The following MACROD2 variants were observed in gnomAD, a reference collection of about 807,000 sequenced individuals.
The protein encoded by MACROD2 is mono-ADP ribosylhydrolase 2.
MACROD2 carries 36 observed loss-of-function variants against 70.4 expected under a neutral mutation model. The ratio of observed to expected loss-of-function variants is 0.51; its 90% CI spans 0.39 to 0.68. The LOEUF (loss-of-function observed/expected upper bound fraction) is 0.68, where lower values mean the gene tolerates loss of function less well. MACROD2 is among the 30% of genes least tolerant of loss of function. The pLI is 0.00. For synonymous variants in MACROD2, 172 were observed against 178.8 expected, an observed-to-expected ratio of 0.96 and a Z score of 0.30; for missense variants, 496 against 538.4, an observed-to-expected ratio of 0.92 and a Z score of 0.78.
At chr20:14,137,826 C>A (rs2148703821) in intron 3 of MACROD2, among the ~76,000 whole-genome samples, 2 of 152,130 alleles carry the variant, frequency 1.3e-5, no homozygotes. Context: ...AAGGAAATAG[C>A]AAAGTGAAAA....
At chr20:14,820,357 C>CTTTTTTT (rs11475238) in intron 5 of MACROD2, among the ~76,000 whole-genome samples, 9 of 116,124 alleles carry the variant, frequency 7.8e-5, no homozygotes, top group Admixed American at 1.8e-4. Context: ...ATTTTTCTTC[C>CTTTTTTT]TTTTTTTTTT....
intron 2 of MACROD2, among the ~76,000 whole-genome samples, chr20:14,079,290 A>G (rs1457811758): frequency 6.6e-6 from 1 of 152,244 alleles, no homozygotes; most frequent in Non-Finnish European, 1.5e-5. Context: ...CTTGTAGACC[A>G]TACCATTGGA....
At chr20:15,228,869 A>G (rs1355818721) in intron 5 of MACROD2, among the ~76,000 whole-genome samples, 4 of 152,226 alleles carry the variant, frequency 2.6e-5, no homozygotes, top group Admixed American at 2.0e-4. Context: ...TTATTTTTGT[A>G]TACTCTTATT....
At chr20:15,801,185 TTA>T (rs1491125296) in intron 8 of MACROD2, among the ~76,000 whole-genome samples, 1 of 89,640 alleles carries the variant, frequency 1.1e-5, no homozygotes, top group Non-Finnish European at 2.4e-5. Flanking sequence ...GAATGATCAA[TTA>T]AAAAAAAAAA....
intron 9 of MACROD2, among the ~76,000 whole-genome samples, chr20:15,871,310 T>A (rs753214618): frequency 1.9e-4 from 29 of 152,180 alleles, no homozygotes; most frequent in Non-Finnish European, 4.0e-4. Flanking sequence ...ATTTCACTTT[T>A]AAAAATCTTA....
intron 5 of MACROD2, among the ~76,000 whole-genome samples, chr20:15,126,313 G>A (rs867642201): frequency 5.3e-5 from 8 of 151,742 alleles, no homozygotes; most frequent in Admixed American, 2.0e-4. Context: ...CAGCAGCGAC[G>A]TATGCAAGTT....
In MACROD2 at chr20:15,133,946, C is replaced by T. The variant is rs550475572; in HGVS notation, c.419-95994C>T. The stretch of plus-strand genomic sequence containing the variant: ...TTTTTTTGAGACAGAGTCTCGCTGT[C>T]GCAGAGGCTGGAGTGCAGTGGTGCC... On this transcript the variant is annotated intron_variant, in intron 5 of 17. Coordinates refer to ENST00000684519, the MANE Select transcript of MACROD2 (RefSeq NM_001351661.2). 1.9e-3 allele frequency among the ~76,000 whole-genome samples: 246 copies of T among 129,316 alleles called. 1 individual carries two copies. Among genetic ancestry groups the T allele is most frequent in the Middle Eastern group, 6.0e-3 (1 of 168 alleles). 84.8% of individuals were successfully genotyped at this position (129,316 alleles called of 152,430 possible).
At chr20:15,958,191 C>T (rs898353165) in intron 12 of MACROD2, among the ~76,000 whole-genome samples, 1 of 152,170 alleles carries the variant, frequency 6.6e-6, no homozygotes, top group East Asian at 1.9e-4. Context: ...CGCCAGTACA[C>T]TCTAATCCTG....
At chr20:14,380,549 A>G (rs1403785280) in intron 3 of MACROD2, among the ~76,000 whole-genome samples, 2 of 152,090 alleles carry the variant, frequency 1.3e-5, no homozygotes, top group Non-Finnish European at 2.9e-5. Context: ...TTAAGGTCTT[A>G]TATTTAAGTT....
At chr20:15,440,163 T>C (rs1024936930) in intron 7 of MACROD2, among the ~76,000 whole-genome samples, 4 of 152,286 alleles carry the variant, frequency 2.6e-5, no homozygotes, top group African/African-American at 9.6e-5. Flanking sequence ...GGCTGAAAAG[T>C]GTATTCCGTG....
At chr20:15,177,639 T>G (rs539835499) in intron 5 of MACROD2, among the ~76,000 whole-genome samples, 121 of 152,360 alleles carry the variant, frequency 7.9e-4, no homozygotes, top group South Asian at 1.9e-3. Context: ...AGGGTTTCAC[T>G]AATGAATGTG....
At chr20:14,470,044 T>G (rs1268208828) in intron 3 of MACROD2, among the ~76,000 whole-genome samples, 2 of 152,132 alleles carry the variant, frequency 1.3e-5, no homozygotes, top group Admixed American at 1.3e-4. Context: ...TTTTGAGCTG[T>G]TTTTTATTCA....
chr20:15,510,497 G>A (rs1291917009), intron 8 of MACROD2, among the ~76,000 whole-genome samples: 1 of 152,188 alleles, frequency 6.6e-6, no homozygotes, highest in Non-Finnish European at 1.5e-5. Context: ...TCTAGTGGAA[G>A]TAAATGATTT....
Position 14,226,521 on chromosome 20 carries a change from C to G in MACROD2, c.271+140793C>G, listed in dbSNP as rs571760082. Among the ~76,000 whole-genome samples the G allele has an allele frequency of 8.9e-4, 135 of 152,238 alleles. 1 individual carries two copies. In the Middle Eastern group the frequency reaches 0.01, roughly 12 times the overall value. On this transcript the variant is annotated intron_variant, in intron 3 of 17. Coordinates refer to ENST00000684519, the MANE Select transcript of MACROD2 (RefSeq NM_001351661.2). ...AGGGAGATGTGTAGGGAGGCGCGAG[C>G]GGGAACCGGGGCTGCGCGCGGCGCT...
chr20:14,278,820 T>C (rs1295817335), intron 3 of MACROD2, among the ~76,000 whole-genome samples: 1 of 151,984 alleles, frequency 6.6e-6, no homozygotes, highest in Admixed American at 6.6e-5. Flanking sequence ...AAATAATCAG[T>C]AAGTTTTAAG....
At chr20:14,022,251 T>C (rs1429048320) in intron 2 of MACROD2, among the ~76,000 whole-genome samples, 1 of 152,210 alleles carries the variant, frequency 6.6e-6, no homozygotes, top group Non-Finnish European at 1.5e-5. Context: ...ATTAAACTAT[T>C]ACACAGTGCT....
At position 15,408,012 on chromosome 20, in the gene MACROD2, C is replaced by T. The variant is rs146072328; in HGVS notation, c.541-23393C>T. 3.3e-3 allele frequency among the ~76,000 whole-genome samples: 509 copies of T among 152,264 alleles called. 1 individual carries two copies. Among genetic ancestry groups the T allele is most frequent in the African/African-American group, 0.012 (492 of 41,550 alleles). On this transcript the variant is annotated intron_variant, in intron 6 of 17. Coordinates refer to ENST00000684519, the MANE Select transcript of MACROD2 (RefSeq NM_001351661.2). ...GCTGCGAAATCAGCTTCAGGACAGT[C>T]CTACTTCCAAATACTCTGTTAACAA...
intron 3 of MACROD2, among the ~76,000 whole-genome samples, chr20:14,384,749 TG>T (rs145683269): frequency 0.015 from 2,210 of 152,230 alleles, 57 homozygotes; most frequent in African/African-American, 0.051. Context: ...CTTGTGCAAT[TG>T]GGTTTATTGT....
intron 7 of MACROD2, among the ~76,000 whole-genome samples, chr20:15,481,600 ATAT>A (rs745807774): frequency 1.9e-4 from 28 of 151,062 alleles, no homozygotes; most frequent in African/African-American, 6.8e-4. Context: ...ACATAAATAA[ATAT>A]TATGGTTATA....
Sources: gnomAD v4.1 joint callset for allele counts (sites outside exome capture counted in the v4.1 genomes callset) on GRCh38, gnomAD v4.1.1 for gene constraint, MANE v1.5 for transcripts, NCBI Gene and HGNC (gene_info 2026-07-23, HGNC 2026-07-21) for gene names.